Variants in FRMD5 observed in about 807,000 individuals in gnomAD.
FRMD5 encodes FERM domain containing 5, also known as FERM domain-containing protein 5.
FRMD5 carries 20 observed loss-of-function variants against 69.0 expected under a neutral mutation model. The observed-to-expected ratio is 0.29, with a 90% CI of 0.20 to 0.42. The LOEUF is 0.42. FRMD5 is among the 10% of genes least tolerant of loss of function. The pLI, the probability that FRMD5 is intolerant of heterozygous loss-of-function variation, is 1.00. For missense variants in FRMD5, 595 were observed against 708.6 expected (o/e 0.84, Z 1.82); for synonymous variants, 271 against 260.1 (o/e 1.04, Z -0.40).
chr15:44,159,732 A>T (rs1351478578), intron 1 of FRMD5, among the ~76,000 whole-genome samples: 3 of 152,226 alleles, frequency 2.0e-5, no homozygotes, highest in Non-Finnish European at 4.4e-5. Flanking sequence ...AAGGATAAAG[A>T]TTAGCAGTTA....
At chr15:43,882,763 A>G (rs921364835) in intron 13 of FRMD5, among the ~76,000 whole-genome samples, 3 of 152,134 alleles carry the variant, frequency 2.0e-5, no homozygotes, top group Non-Finnish European at 2.9e-5. Flanking sequence ...CCATCCTGAT[A>G]ATTTTACTGT....
intron 1 of FRMD5, among the ~76,000 whole-genome samples, chr15:44,049,983 TG>T (rs1242890291): frequency 6.6e-6 from 1 of 152,336 alleles, no homozygotes; most frequent in East Asian, 1.9e-4. Flanking sequence ...AATCTTCTTG[TG>T]GGCAGGATCT....
At chr15:43,943,362 G>C (rs1209009640) in intron 1 of FRMD5, among the ~76,000 whole-genome samples, 1 of 152,218 alleles carries the variant, frequency 6.6e-6, no homozygotes, top group East Asian at 1.9e-4. Context: ...TTACAGGCGA[G>C]AGCCATTGCT....
intron 1 of FRMD5, among the ~76,000 whole-genome samples, chr15:44,028,369 A>G (rs961254903): frequency 9.2e-5 from 14 of 152,174 alleles, no homozygotes; most frequent in Non-Finnish European, 2.1e-4. Flanking sequence ...GCAAAGCAAC[A>G]CTGATTTCCT....
At chr15:44,164,684 AG>A (rs1030892508) in intron 1 of FRMD5, among the ~76,000 whole-genome samples, 1 of 152,216 alleles carries the variant, frequency 6.6e-6, no homozygotes, top group Non-Finnish European at 1.5e-5. Context: ...CTACTTTCCC[AG>A]CCTCCCCTAC....
chr15:44,084,386 C>T (rs1894109805), intron 1 of FRMD5, among the ~76,000 whole-genome samples: 1 of 152,000 alleles, frequency 6.6e-6, no homozygotes, highest in Non-Finnish European at 1.5e-5. Context: ...TACAGAATTC[C>T]CCACTACCAG....
At chr15:44,107,325 A>G (rs1198750207) in intron 1 of FRMD5, among the ~76,000 whole-genome samples, 3 of 152,200 alleles carry the variant, frequency 2.0e-5, no homozygotes, top group African/African-American at 7.2e-5. Context: ...ATAATAAAGA[A>G]GCTAAAAGTA....
At chr15:44,060,473 T>C (rs1449059672) in intron 1 of FRMD5, among the ~76,000 whole-genome samples, 3 of 152,208 alleles carry the variant, frequency 2.0e-5, no homozygotes, top group Non-Finnish European at 4.4e-5. Flanking sequence ...TTCCTAAACA[T>C]GACCTTGAAT....
chr15:43,902,371 T>C (rs1448236092), intron 6 of FRMD5, 109 bp from the exon 7 acceptor site: 5 of 911,750 alleles, frequency 5.5e-6, no homozygotes, highest in Admixed American at 3.8e-5. Context: ...TCTCAGTTTG[T>C]CTAGGGTGTG....
At chr15:43,999,928 T>TATATATATATATATATGCCATGC (rs1555392708) in intron 1 of FRMD5, among the ~76,000 whole-genome samples, 6 of 44,976 alleles carry the variant, frequency 1.3e-4, no homozygotes, top group East Asian at 8.7e-4. Flanking sequence ...TGTATGTATA[T>TATATATATATATATATGCCATGC]ATATATATAT....
At chr15:44,167,229 A>G (rs1030270048) in intron 1 of FRMD5, among the ~76,000 whole-genome samples, 9 of 152,272 alleles carry the variant, frequency 5.9e-5, no homozygotes, top group Non-Finnish European at 8.8e-5. Context: ...TTAGCCAAGC[A>G]TGGTGGGACA....
At chr15:44,033,358 TA>T (rs1421489182) in intron 1 of FRMD5, among the ~76,000 whole-genome samples, 1 of 152,144 alleles carries the variant, frequency 6.6e-6, no homozygotes, top group Non-Finnish European at 1.5e-5. Flanking sequence ...TTTACATATG[TA>T]AAAAACCTTC....
chr15:43,961,389 A>C (rs2090197900), intron 1 of FRMD5, among the ~76,000 whole-genome samples: 1 of 152,136 alleles, frequency 6.6e-6, no homozygotes, highest in Admixed American at 6.6e-5. Context: ...CAATAACAGG[A>C]GCTGAAATTG....
intron 1 of FRMD5, among the ~76,000 whole-genome samples, chr15:44,090,980 A>G (rs1595710940): frequency 6.6e-6 from 1 of 152,216 alleles, no homozygotes; most frequent in Admixed American, 6.5e-5. Context: ...GGGACCCTGC[A>G]CAAAGAGCAC....
At chr15:43,937,294 G>T in intron 1 of FRMD5, among the ~76,000 whole-genome samples, 1 of 152,144 alleles carries the variant, frequency 6.6e-6, no homozygotes, top group South Asian at 2.1e-4. Flanking sequence ...ATTTGTCACA[G>T]GTCAGATTCC....
intron 1 of FRMD5, among the ~76,000 whole-genome samples, chr15:44,078,631 T>C (rs1305413092): frequency 1.3e-5 from 2 of 150,612 alleles, no homozygotes; most frequent in East Asian, 1.9e-4. Flanking sequence ...CATTATGCTA[T>C]GAGAAATAAG....
At chr15:43,916,304 G>C (rs1201184929) in intron 4 of FRMD5, among the ~76,000 whole-genome samples, 1 of 152,202 alleles carries the variant, frequency 6.6e-6, no homozygotes, top group Non-Finnish European at 1.5e-5. Flanking sequence ...ACAGAAGTTA[G>C]CTGCTTAAGT....
chr15:44,075,861 C>G (rs1381715385), intron 1 of FRMD5, among the ~76,000 whole-genome samples: 1 of 152,170 alleles, frequency 6.6e-6, no homozygotes, highest in Non-Finnish European at 1.5e-5. Flanking sequence ...GCCATTCTAA[C>G]TGGTGTGAGA....
At chr15:43,987,432 T>A (rs1288285773) in intron 1 of FRMD5, among the ~76,000 whole-genome samples, 4 of 152,252 alleles carry the variant, frequency 2.6e-5, no homozygotes, top group Non-Finnish European at 1.5e-5. Context: ...AGAACAGCGG[T>A]CCTCAACCTT....
Sources: gnomAD v4.1 joint callset for allele counts (sites outside exome capture counted in the v4.1 genomes callset) on GRCh38, gnomAD v4.1.1 for gene constraint, MANE v1.5 for transcripts, NCBI Gene and HGNC (gene_info 2026-07-23, HGNC 2026-07-21) for gene names.